Variants in PRORP observed in about 807,000 individuals in gnomAD.
PRORP encodes protein only RNase P catalytic subunit.
A neutral mutation model predicts 59.4 loss-of-function variants in PRORP; 51 were observed. The observed-to-expected ratio is 0.86, with a 90% confidence interval of 0.69 to 1.08. The LOEUF is 1.08. Among genes scored for constraint, PRORP ranks in the 50% least tolerant of loss-of-function variants. The pLI, the probability that PRORP is intolerant of heterozygous loss-of-function variation, is 0.00. For missense variants in PRORP, 646 were observed against 690.3 expected (o/e 0.94, Z 0.72); for synonymous variants, 231 against 245.6 (o/e 0.94, Z 0.55).
At chr14:35,126,833 T>C (rs1166854169) in intron 3 of PRORP, 51 bp downstream of exon 3, 1 of 1,357,458 alleles carries the variant, frequency 7.4e-7, no homozygotes, top group Non-Finnish European at 1.0e-6. Context: ...TTAGTAGGTT[T>C]TGTTGCTATT....
intron 5 of PRORP, chr14:35,235,476 C>G: frequency 1.6e-6 from 1 of 635,862 alleles, no homozygotes; most frequent in Admixed American, 2.1e-5. Flanking sequence ...AGGAAGACAA[C>G]TAGCTTGATG....
At chr14:35,135,608 A>G (rs936087214) in intron 4 of PRORP, among the ~76,000 whole-genome samples, 1 of 152,180 alleles carries the variant, frequency 6.6e-6, no homozygotes, top group Non-Finnish European at 1.5e-5. Context: ...AGCATACTAT[A>G]GGATAATGAG....
intron 5 of PRORP, among the ~76,000 whole-genome samples, chr14:35,223,694 C>T (rs745495128): frequency 1.2e-3 from 186 of 152,020 alleles, no homozygotes; most frequent in Non-Finnish European, 2.1e-3. Context: ...CTCCTGACCT[C>T]GTGATCCGCC....
chr14:35,223,527 T>G (rs2138455232), intron 5 of PRORP, among the ~76,000 whole-genome samples: 1 of 147,866 alleles, frequency 6.8e-6, no homozygotes, highest in East Asian at 2.0e-4. Context: ...TGGTGTGATC[T>G]CGGCTCACTG....
Position 35,123,133 on chromosome 14 carries a change from T to C in PRORP, c.-113T>C, listed in dbSNP as rs2046978634. On this transcript the variant is annotated 5_prime_UTR_variant, in exon 2 of 8. Coordinates refer to ENST00000534898, the MANE Select transcript of PRORP (RefSeq NM_014672.4). ...CTGTAAGGAAGAAACACAAACCTTT[T>C]AAAAAGTTCCACTTCGACTCTGCAC... 1 of 1,099,442 alleles carries C rather than the reference T, an allele frequency of 9.1e-7. No homozygotes were observed. The highest frequency in any genetic ancestry group is 1.6e-5 in the South Asian group (1 of 64,450). The allele number at this position is 1,099,442 out of a possible 1,614,324, so 68.1% of individuals were successfully genotyped here.
chr14:35,183,263 G>A (rs1329169066), intron 5 of PRORP, among the ~76,000 whole-genome samples: 1 of 151,908 alleles, frequency 6.6e-6, no homozygotes, highest in African/African-American at 2.4e-5. Flanking sequence ...ATTTAACAGT[G>A]TAGTTACCTT....
At chr14:35,186,760 TTTA>T (rs373658225) in intron 5 of PRORP, among the ~76,000 whole-genome samples, 1 of 151,418 alleles carries the variant, frequency 6.6e-6, no homozygotes. Flanking sequence ...CCCAGCTAAT[TTTA>T]TTATTATTAT....
intron 5 of PRORP, among the ~76,000 whole-genome samples, chr14:35,194,377 T>C (rs1468479333): frequency 2.0e-5 from 3 of 152,166 alleles, no homozygotes; most frequent in African/African-American, 7.2e-5. Context: ...GTTCATGTCC[T>C]TTGCAGGGAC....
intron 4 of PRORP, among the ~76,000 whole-genome samples, chr14:35,153,374 A>G (rs2047829709): frequency 6.7e-6 from 1 of 148,824 alleles, no homozygotes; most frequent in African/African-American, 2.5e-5. Flanking sequence ...TCAGAGGGAG[A>G]CGGTGGAAAG....
chr14:35,145,260 A>G (rs984299811), intron 4 of PRORP, among the ~76,000 whole-genome samples: 2 of 144,980 alleles, frequency 1.4e-5, no homozygotes, highest in South Asian at 2.3e-4. Flanking sequence ...GGCGTGAGCT[A>G]CTGCACCTGG....
At chr14:35,216,202 TA>T in intron 5 of PRORP, among the ~76,000 whole-genome samples, 1 of 148,350 alleles carries the variant, frequency 6.7e-6, no homozygotes, top group African/African-American at 2.4e-5. Context: ...CATTTTGATG[TA>T]TTTTCACTCT....
At position 35,124,196 on chromosome 14, in the gene PRORP, G is replaced by C. The variant is rs1434789046; in HGVS notation, c.951G>C (p.Glu317Asp). Residue 317 changes from glutamate (E) to aspartate (D), a missense_variant, in exon 2 of 8, where the codon GAG becomes GAC. Transcript: ENST00000534898. ...GAAATAATCAGCTGTATCCAGGGGA[G>C]TCATTTGCACACAGTATAAAAACAT... ...YLRNNQLYPGESFAHSIKTWF... is the reference protein window; with the variant it reads ...YLRNNQLYPGDSFAHSIKTWF... The C allele has an allele frequency of 1.9e-6, 3 of 1,584,580 alleles. No individual in the cohort carries two copies. The African/African-American group carries it at 4.1e-5, about 22-fold the overall frequency.
intron 4 of PRORP, among the ~76,000 whole-genome samples, chr14:35,134,509 T>G (rs2047326157): frequency 6.6e-6 from 1 of 152,118 alleles, no homozygotes; most frequent in South Asian, 2.1e-4. Flanking sequence ...AGGTGATGAA[T>G]CCTTCCATGA....
chr14:35,266,431 A>G lies in PRORP; in HGVS notation c.1276-296A>G, dbSNP rs978798147. On this transcript the variant is annotated intron_variant, in intron 5 of 7. Transcript: ENST00000534898. ...CAGGAATTCAAGGCTGCAGTGAGCT[A>G]TGATTGCACCTGTGCACTCCAGTCT... Among the ~76,000 whole-genome samples the G allele has an allele frequency of 3.3e-5, 5 of 152,254 alleles. No individual in the cohort carries two copies. In the East Asian group the frequency reaches 9.7e-4, roughly 29 times the overall value.
chr14:35,251,588 C>A (rs2050614720), intron 5 of PRORP, among the ~76,000 whole-genome samples: 1 of 152,048 alleles, frequency 6.6e-6, no homozygotes, highest in Non-Finnish European at 1.5e-5. Context: ...GAGATGGAGT[C>A]TTACTCTGTT....
At chr14:35,209,097 C>T (rs758519166) in intron 5 of PRORP, among the ~76,000 whole-genome samples, 1 of 151,288 alleles carries the variant, frequency 6.6e-6, no homozygotes, top group African/African-American at 2.4e-5. Flanking sequence ...TCACTTGAAC[C>T]CAGGAGGCAG....
chr14:35,248,018 A>G (rs1019075239), intron 5 of PRORP, among the ~76,000 whole-genome samples: 2 of 152,186 alleles, frequency 1.3e-5, no homozygotes, highest in African/African-American at 4.8e-5. Context: ...AGTGGTGAGC[A>G]GGAAACATCC....
intron 2 of PRORP, among the ~76,000 whole-genome samples, chr14:35,124,577 A>G (rs2047048380): frequency 6.6e-6 from 1 of 151,602 alleles, no homozygotes; most frequent in African/African-American, 2.4e-5. Context: ...TCTCTCTTTA[A>G]AAAAAGTAAC....
chr14:35,266,922 T>C (rs2051056821), intron 6 of PRORP, 47 bp downstream of exon 6: 1 of 1,600,686 alleles, frequency 6.2e-7, no homozygotes, highest in Non-Finnish European at 8.5e-7. Context: ...TGCAGACATC[T>C]ATCTGCTTGT....
Sources: allele counts gnomAD v4.1 joint callset (sites outside exome capture counted in the v4.1 genomes callset), GRCh38; gene constraint gnomAD v4.1.1; transcripts MANE v1.5; gene names NCBI Gene and HGNC (gene_info 2026-07-23, HGNC 2026-07-21).